Variants in SERP2 observed in about 807,000 individuals in gnomAD.
SERP2 encodes the protein stress-associated endoplasmic reticulum protein 2.
Under a neutral mutation model 9.1 loss-of-function variants are expected in SERP2, and 6 were observed. That is an observed-to-expected ratio of 0.66 (90% CI 0.36 to 1.30). The LOEUF (loss-of-function observed/expected upper bound fraction) is 1.30, where lower values mean the gene tolerates loss of function less well. Among genes scored for constraint, SERP2 ranks in the 50% most tolerant of loss-of-function variants. SERP2 has a pLI of 0.03. For synonymous variants in SERP2, 37 were observed against 27.3 expected, an observed-to-expected ratio of 1.35 and a Z score of -1.10; for missense variants, 58 against 81.9, an observed-to-expected ratio of 0.71 and a Z score of 1.13.
intron 2 of SERP2, among the ~76,000 whole-genome samples, chr13:44,394,799 A>C (rs1370877501): frequency 6.6e-6 from 1 of 152,240 alleles, no homozygotes; most frequent in Non-Finnish European, 1.5e-5. Context: ...ATGCTGGGAC[A>C]GGGAGAAGCA....
intron 1 of SERP2, among the ~76,000 whole-genome samples, chr13:44,374,682 C>T (rs1176836173): frequency 6.6e-6 from 1 of 152,160 alleles, no homozygotes; most frequent in Admixed American, 6.6e-5. Context: ...CTTTCCAGCC[C>T]CTTTGTGACG....
chr13:44,388,980 T>G (rs1872483757), intron 2 of SERP2, among the ~76,000 whole-genome samples: 1 of 152,212 alleles, frequency 6.6e-6, no homozygotes, highest in Non-Finnish European at 1.5e-5. Flanking sequence ...AAAGAGACAC[T>G]CTTTTCAGTG....
intron 1 of SERP2, among the ~76,000 whole-genome samples, chr13:44,377,238 TC>T (rs1172174200): frequency 1.3e-5 from 2 of 152,244 alleles, no homozygotes; most frequent in Non-Finnish European, 2.9e-5. Flanking sequence ...AATAAAGGAC[TC>T]TATTTGGTAT....
At chr13:44,379,957 A>G (rs1334483107) in intron 2 of SERP2, among the ~76,000 whole-genome samples, 3 of 152,246 alleles carry the variant, frequency 2.0e-5, no homozygotes, top group Non-Finnish European at 4.4e-5. Flanking sequence ...AAGTGGCTGT[A>G]TACACTGTAG....
intron 2 of SERP2, among the ~76,000 whole-genome samples, chr13:44,394,127 T>C (rs1310509104): frequency 6.6e-6 from 1 of 151,994 alleles, no homozygotes; most frequent in African/African-American, 2.4e-5. Context: ...TTAGATTCTT[T>C]CTATTATTTT....
intron 1 of SERP2, 50 bp downstream of exon 1, chr13:44,374,159 T>TGGGGGG: frequency 5.0e-6 from 3 of 597,374 alleles, no homozygotes; most frequent in Non-Finnish European, 5.3e-6. Context: ...CCCGGCGGGG[T>TGGGGGG]GGGGCGGAAG....
chr13:44,396,962 C>T (rs1297879605), intron 2 of SERP2, among the ~76,000 whole-genome samples: 1 of 152,208 alleles, frequency 6.6e-6, no homozygotes, highest in African/African-American at 2.4e-5. Flanking sequence ...CCAGGCAGCC[C>T]CAGAACTTTG....
intron 2 of SERP2, among the ~76,000 whole-genome samples, chr13:44,396,744 C>G (rs1037526839): frequency 2.8e-4 from 42 of 152,196 alleles, no homozygotes; most frequent in African/African-American, 1.0e-3. Context: ...AGACAGCCGC[C>G]TTTCAGAGAG....
In SERP2 at chr13:44,389,640, G is replaced by C. The variant is rs542517498; in HGVS notation, c.158-7632G>C. Among the ~76,000 whole-genome samples the C allele has an allele frequency of 3.9e-5, 6 of 152,258 alleles. No homozygotes were observed. In the East Asian group the frequency reaches 1.2e-3, roughly 29 times the overall value. Reference sequence around the variant, plus strand: ...AGAAAATTTGTAGTGGGTGAGCATAGCACTGAGATATTGAGGAACCTCCAT... The same window carrying C: ...AGAAAATTTGTAGTGGGTGAGCATACCACTGAGATATTGAGGAACCTCCAT... On this transcript the variant is annotated intron_variant, in intron 2 of 2. Coordinates refer to ENST00000379179, the MANE Select transcript of SERP2 (RefSeq NM_001010897.3).
In SERP2 at chr13:44,397,629, G is replaced by T. The variant is rs1873200116; in HGVS notation, c.*317G>T. On this transcript the variant is annotated 3_prime_UTR_variant, in exon 3 of 3. Transcript: ENST00000379179. ...CACTAATGCGTGCATGTGGCCCTCT[G>T]AACGATCACTGGTTTACTTTCTATG... The T allele has an allele frequency of 2.4e-6, 1 of 413,340 alleles. No individual in the cohort carries two copies. Among genetic ancestry groups the T allele is most frequent in the East Asian group, 5.2e-5 (1 of 19,340 alleles). 25.6% of individuals were successfully genotyped at this position (413,340 alleles called of 1,614,324 possible).
At position 44,397,514 on chromosome 13, in the gene SERP2, G is replaced by A. The variant is rs1410534260; in HGVS notation, c.*202G>A. 2 of 590,672 alleles carry A rather than the reference G, an allele frequency of 3.4e-6. No homozygotes were observed. Among genetic ancestry groups the A allele is most frequent in the Non-Finnish European group, 3.0e-6 (1 of 331,192 alleles). 36.6% of individuals were successfully genotyped at this position (590,672 alleles called of 1,614,324 possible). ...TCTTGGTGCATCCGCGTTCTCAAGC[G>A]GAAAGGACATTTTGCTTTTCTGTTG... is the stretch of plus-strand genomic sequence containing the variant. On this transcript the variant is annotated 3_prime_UTR_variant, in exon 3 of 3. Transcript: ENST00000379179.
chr13:44,373,928 TG>T lies in SERP2; in HGVS notation c.-95del. 2 of 1,156,522 alleles carry T rather than the reference TG, an allele frequency of 1.7e-6. No homozygotes were observed. The highest frequency in any genetic ancestry group is 2.5e-6 in the Non-Finnish European group (2 of 810,070). The allele number at this position is 1,156,522 out of a possible 1,614,324, so 71.6% of individuals were successfully genotyped here. A position where few individuals can be genotyped will look rare whatever the true frequency, so the allele number is the denominator to read the frequency against. ...CGCCTTGCCACCTGCAGCGCCCGGG[TG>T]GGCCGCGGGGGCCTCGGCGGGACGC... On this transcript the variant is annotated 5_prime_UTR_variant, in exon 1 of 3. Transcript: ENST00000379179. This position sits in a 1 kb window ranked among gnomAD's most constrained non-coding sequence, Gnocchi z 4.8.
rs368745065 is a variant in SERP2, at chr13:44,397,348, G to A, written c.*36G>A. 5.2e-6 allele frequency: 8 copies of A among 1,534,446 alleles called. No homozygotes were observed. The highest frequency in any genetic ancestry group is 4.5e-5 in the South Asian group (4 of 89,588). On this transcript the variant is annotated 3_prime_UTR_variant, in exon 3 of 3. Coordinates refer to ENST00000379179, the MANE Select transcript of SERP2 (RefSeq NM_001010897.3). ...GATTTGACACCACCTCCCTCCCACT[G>A]GAGGCGGGAGGACAACGGAAGCGGT...
At chr13:44,387,139 A>T (rs1206521621) in intron 2 of SERP2, among the ~76,000 whole-genome samples, 1 of 152,206 alleles carries the variant, frequency 6.6e-6, no homozygotes, top group Non-Finnish European at 1.5e-5. Flanking sequence ...ACCGTTCCCC[A>T]CAAAGATACT....
chr13:44,394,597 T>A (rs894272153), intron 2 of SERP2, among the ~76,000 whole-genome samples: 1 of 152,248 alleles, frequency 6.6e-6, no homozygotes, highest in African/African-American at 2.4e-5. Context: ...AGTTTTTGTC[T>A]AAGGGCAAGA....
intron 2 of SERP2, among the ~76,000 whole-genome samples, chr13:44,389,593 G>A (rs1223921385): frequency 1.3e-5 from 2 of 152,080 alleles, no homozygotes; most frequent in African/African-American, 4.8e-5. Flanking sequence ...GCCCATTTTC[G>A]TAGCTTTGCT....
intron 1 of SERP2, among the ~76,000 whole-genome samples, chr13:44,377,726 A>G (rs2138778294): frequency 6.6e-6 from 1 of 152,358 alleles, no homozygotes; most frequent in East Asian, 1.9e-4. Flanking sequence ...GGATAATCCT[A>G]CACCAATTAG....
chr13:44,382,235 G>A (rs1218401518), intron 2 of SERP2, among the ~76,000 whole-genome samples: 1 of 151,586 alleles, frequency 6.6e-6, no homozygotes, highest in Non-Finnish European at 1.5e-5. Flanking sequence ...CAGGAGATAA[G>A]ACCATCCTGG....
intron 2 of SERP2, among the ~76,000 whole-genome samples, chr13:44,387,451 T>C (rs1344053285): frequency 6.6e-6 from 1 of 152,220 alleles, no homozygotes; most frequent in Non-Finnish European, 1.5e-5. Context: ...TATAAGGTTA[T>C]TGCCACGGTA....
Sources: gnomAD v4.1 joint callset for allele counts (sites outside exome capture counted in the v4.1 genomes callset) on GRCh38, gnomAD v4.1.1 for gene constraint, Gnocchi (gnomAD v3.1) non-coding constraint, MANE v1.5 for transcripts, NCBI Gene and HGNC (gene_info 2026-07-23, HGNC 2026-07-21) for gene names.